Variants in DACH2 observed in about 807,000 individuals in gnomAD.
DACH2 encodes dachshund family transcription factor 2, also known as dachshund homolog 2.
A neutral mutation model predicts 35.8 loss-of-function variants in DACH2; 17 were observed. The ratio of observed to expected loss-of-function variants is 0.48; its 90% CI spans 0.33 to 0.71. The LOEUF (loss-of-function observed/expected upper bound fraction) is 0.71. Ranked by LOEUF, DACH2 falls within the 30% of genes least tolerant of loss-of-function variation. The pLI, the probability that DACH2 is intolerant of heterozygous loss-of-function variation, is 0.02. For missense variants in DACH2, 469 were observed against 472.7 expected (o/e 0.99, Z 0.07); for synonymous variants, 195 against 177.3 (o/e 1.10, Z -0.79).
intron 3 of DACH2, among the ~76,000 whole-genome samples, chrX:86,621,481 G>A (rs1379037834): frequency 9.0e-6 from 1 of 110,658 alleles, no homozygotes; most frequent in Non-Finnish European, 1.9e-5. Context: ...CTAATTTATT[G>A]CTCTAGTTTT....
intron 5 of DACH2, among the ~76,000 whole-genome samples, chrX:86,703,606 G>A (rs2041171761): frequency 9.0e-6 from 1 of 111,618 alleles, no homozygotes; most frequent in African/African-American, 3.3e-5. Context: ...CAAAAAAATT[G>A]TAGCATTTCT....
In DACH2 at chrX:86,669,048, T is replaced by C. The variant is rs368375126; in HGVS notation, c.772+17881T>C. Among the ~76,000 whole-genome samples the C allele has an allele frequency of 2.7e-4, 30 of 111,890 alleles. No homozygotes were observed. The East Asian group carries it at 3.4e-3, about 13-fold the overall frequency. ...GGCTAAATGTAACAGCTATTCCGTATGTTATGTACTTCATCGTCAGTAAAA... is the reference window on the plus strand; with the variant it reads ...GGCTAAATGTAACAGCTATTCCGTACGTTATGTACTTCATCGTCAGTAAAA... On this transcript the variant is annotated intron_variant, in intron 4 of 11. Coordinates refer to ENST00000373125, the MANE Select transcript of DACH2 (RefSeq NM_053281.3).
chrX:86,775,474 C>A (rs1026696436), intron 7 of DACH2, among the ~76,000 whole-genome samples: 2 of 111,422 alleles, frequency 1.8e-5, no homozygotes, highest in African/African-American at 6.5e-5. Flanking sequence ...GGGCTCCTTA[C>A]GAGAATCTAA....
At chrX:86,172,969 A>G (rs2031175660) in intron 1 of DACH2, among the ~76,000 whole-genome samples, 2 of 112,102 alleles carry the variant, frequency 1.8e-5, no homozygotes, top group South Asian at 3.7e-4. Context: ...ATAATTCAAG[A>G]AAGTGTTTAG....
intron 1 of DACH2, among the ~76,000 whole-genome samples, chrX:86,227,655 C>A (rs1334998708): frequency 9.2e-6 from 1 of 108,312 alleles, no homozygotes; most frequent in Non-Finnish European, 1.9e-5. Context: ...AATTTAGTAG[C>A]CCTTACTACC....
intron 3 of DACH2, among the ~76,000 whole-genome samples, chrX:86,599,417 CT>C (rs1400378264): frequency 9.6e-6 from 1 of 104,153 alleles, no homozygotes; most frequent in African/African-American, 3.5e-5. Flanking sequence ...CTTTCTTTTT[CT>C]TTTTTCTTTC....
chrX:86,461,473 C>T (rs184942153), intron 2 of DACH2, among the ~76,000 whole-genome samples: 1 of 110,888 alleles, frequency 9.0e-6, no homozygotes, highest in East Asian at 2.8e-4. Context: ...AAAAGTGTGG[C>T]AGAAAGAGAT....
chrX:86,760,097 C>T (rs1293125853), intron 7 of DACH2, among the ~76,000 whole-genome samples: 1 of 111,418 alleles, frequency 9.0e-6, no homozygotes, highest in Non-Finnish European at 1.9e-5. Flanking sequence ...TTATAAGTGA[C>T]TAGACACTAT....
At chrX:86,621,046 G>A (rs192072251) in intron 3 of DACH2, among the ~76,000 whole-genome samples, 102 of 111,327 alleles carry the variant, frequency 9.2e-4, no homozygotes, top group African/African-American at 3.2e-3. Flanking sequence ...ATTCCTTTGG[G>A]CTTTTTCCAT....
At chrX:86,241,686 G>T (rs1298145401) in intron 1 of DACH2, among the ~76,000 whole-genome samples, 2 of 112,484 alleles carry the variant, frequency 1.8e-5, no homozygotes, top group African/African-American at 6.5e-5. Context: ...GCATGTCAGA[G>T]ACTGTCACAG....
chrX:86,317,527 A>C, intron 1 of DACH2, among the ~76,000 whole-genome samples: 1 of 112,463 alleles, frequency 8.9e-6, no homozygotes, highest in Non-Finnish European at 1.9e-5. Flanking sequence ...TTAATAGAAG[A>C]TTTATGAAGT....
At chrX:86,599,096 A>T (rs985638606) in intron 3 of DACH2, among the ~76,000 whole-genome samples, 1 of 111,003 alleles carries the variant, frequency 9.0e-6, no homozygotes, top group Non-Finnish European at 1.9e-5. Context: ...GAATGATGGT[A>T]TCCAGCTTCA....
chrX:86,609,491 G>A (rs1483883784), intron 3 of DACH2, among the ~76,000 whole-genome samples: 2 of 111,981 alleles, frequency 1.8e-5, no homozygotes, highest in East Asian at 5.6e-4. Flanking sequence ...CAATTTGTGA[G>A]TTAATGTTTT....
intron 1 of DACH2, among the ~76,000 whole-genome samples, chrX:86,153,266 A>T (rs1425041887): frequency 1.8e-5 from 2 of 111,763 alleles, no homozygotes; most frequent in Non-Finnish European, 3.8e-5. Context: ...TTAAAGTAAA[A>T]TTTCCAATTG....
intron 7 of DACH2, among the ~76,000 whole-genome samples, chrX:86,765,994 T>G (rs1419959180): frequency 9.1e-6 from 1 of 110,302 alleles, no homozygotes; most frequent in African/African-American, 3.3e-5. Context: ...TACACCATTC[T>G]TGAAACTTAT....
chrX:86,320,834 G>A (rs958438723), intron 1 of DACH2, among the ~76,000 whole-genome samples: 3 of 111,960 alleles, frequency 2.7e-5, no homozygotes, highest in Admixed American at 1.9e-4. Context: ...ACTGAGGGCT[G>A]GTATTTTAAG....
At chrX:86,418,215 A>G (rs1198760731) in intron 2 of DACH2, among the ~76,000 whole-genome samples, 1 of 111,528 alleles carries the variant, frequency 9.0e-6, no homozygotes, top group Non-Finnish European at 1.9e-5. Flanking sequence ...CAGGCGCACA[A>G]TGTAAGCTGT....
At chrX:86,517,839 T>C (rs928307680) in intron 3 of DACH2, among the ~76,000 whole-genome samples, 3 of 111,895 alleles carry the variant, frequency 2.7e-5, no homozygotes, top group African/African-American at 9.8e-5. Context: ...TTTTCCATCG[T>C]GTAGGTTGTC....
intron 3 of DACH2, among the ~76,000 whole-genome samples, chrX:86,625,586 A>T (rs1461741710): frequency 9.0e-6 from 1 of 111,099 alleles, no homozygotes; most frequent in Non-Finnish European, 1.9e-5. Context: ...GTCTCTTCTG[A>T]TGCTGTTAAT....
Sources: allele counts gnomAD v4.1 joint callset (sites outside exome capture counted in the v4.1 genomes callset), GRCh38; gene constraint gnomAD v4.1.1; transcripts MANE v1.5; gene names NCBI Gene and HGNC (gene_info 2026-07-23, HGNC 2026-07-21).